The following COL5A2 variants were observed in gnomAD, a reference collection of about 807,000 sequenced individuals.
The protein encoded by COL5A2 is collagen type V alpha 2 chain, also known as collagen alpha-2(V) chain.
In COL5A2, 23 loss-of-function variants were observed where a neutral mutation model predicts 208.2. The observed-to-expected ratio is 0.11, with a 90% CI of 0.08 to 0.16. The LOEUF (loss-of-function observed/expected upper bound fraction) is 0.16. COL5A2 is among the 10% of genes least tolerant of loss of function. COL5A2 has a pLI of 1.00. For synonymous variants in COL5A2, 625 were observed against 628.5 expected (o/e 0.99, Z 0.08); for missense variants, 1,590 against 1,956.4 (o/e 0.81, Z 3.53).
At chr2:189,433,225 A>G in the COL5A2 span, among the ~76,000 whole-genome samples, 1 of 152,220 alleles carries the variant, frequency 6.6e-6, no homozygotes, top group Non-Finnish European at 1.5e-5. Flanking sequence ...CACAAGAGAA[A>G]GCAGGAAAGA....
the COL5A2 span, among the ~76,000 whole-genome samples, chr2:189,296,873 G>A: frequency 6.6e-5 from 10 of 152,272 alleles, no homozygotes; most frequent in South Asian, 6.2e-4. Context: ...AATAGTTGAC[G>A]AGAGTAGGGA....
intron 7 of COL5A2, among the ~76,000 whole-genome samples, chr2:189,090,968 A>G (rs55633056): frequency 6.6e-6 from 1 of 152,222 alleles, no homozygotes; most frequent in South Asian, 2.1e-4. Context: ...GCCCATGGAT[A>G]TAAATAAATT....
At chr2:189,348,456 T>C in the COL5A2 span, among the ~76,000 whole-genome samples, 2 of 152,130 alleles carry the variant, frequency 1.3e-5, no homozygotes, top group Non-Finnish European at 2.9e-5. Flanking sequence ...GAGTTCTGGC[T>C]AGTACACGTT....
intron 1 of COL5A2, among the ~76,000 whole-genome samples, chr2:189,189,091 A>G (rs1449787128): frequency 6.6e-6 from 1 of 152,228 alleles, no homozygotes; most frequent in Admixed American, 6.5e-5. Flanking sequence ...TAAATCTGCC[A>G]TTTTAAGTGC....
intron 45 of COL5A2, among the ~76,000 whole-genome samples, chr2:189,046,565 C>T (rs530600107): frequency 1.1e-4 from 17 of 152,136 alleles, no homozygotes; most frequent in African/African-American, 3.9e-4. Context: ...TTATTTTATC[C>T]AGATGACACA....
chr2:189,049,319 GAA>G, intron 44 of COL5A2, 26 bp downstream of exon 44: 3 of 1,466,264 alleles, frequency 2.0e-6, no homozygotes, highest in Non-Finnish European at 2.9e-6. Flanking sequence ...GATAACAAGA[GAA>G]GAGTTATTTT....
intron 17 of COL5A2, among the ~76,000 whole-genome samples, chr2:189,072,968 T>C (rs1195370232): frequency 6.6e-6 from 1 of 152,158 alleles, no homozygotes; most frequent in East Asian, 1.9e-4. Flanking sequence ...GATTGTACTT[T>C]AGTCTCATCA....
chr2:189,087,569 C>T (rs1686689855), intron 8 of COL5A2, among the ~76,000 whole-genome samples: 1 of 151,624 alleles, frequency 6.6e-6, no homozygotes, highest in African/African-American at 2.4e-5. Flanking sequence ...GTTCACGCCT[C>T]AGCCTCCCAA....
the COL5A2 span, among the ~76,000 whole-genome samples, chr2:189,332,406 C>T: frequency 2.0e-5 from 3 of 152,164 alleles, no homozygotes; most frequent in South Asian, 2.1e-4. Flanking sequence ...ATCAAGTCCC[C>T]GTATATTTCA....
the COL5A2 span, among the ~76,000 whole-genome samples, chr2:189,389,866 A>C: frequency 6.6e-6 from 1 of 152,176 alleles, no homozygotes; most frequent in African/African-American, 2.4e-5. Context: ...GTCTGTAGTA[A>C]ATCTAAACAT....
chr2:189,409,377 T>A, the COL5A2 span, among the ~76,000 whole-genome samples: 1 of 151,972 alleles, frequency 6.6e-6, no homozygotes, highest in Non-Finnish European at 1.5e-5. Context: ...TCACCCAGCT[T>A]AAATCCACTC....
intron 2 of COL5A2, among the ~76,000 whole-genome samples, chr2:189,109,445 T>C (rs953552101): frequency 1.3e-5 from 2 of 152,102 alleles, no homozygotes; most frequent in African/African-American, 4.8e-5. Context: ...TTTGCTGTTA[T>C]TTGCAATGAA....
intron 1 of COL5A2, among the ~76,000 whole-genome samples, chr2:189,194,313 G>C (rs1576582278): frequency 6.6e-6 from 1 of 152,100 alleles, no homozygotes; most frequent in African/African-American, 2.4e-5. Context: ...CTCACTCGTA[G>C]AAAAGGGCTA....
intron 24 of COL5A2, among the ~76,000 whole-genome samples, 174 bp downstream of exon 24, chr2:189,064,830 A>G (rs1163417194): frequency 1.3e-5 from 2 of 152,084 alleles, no homozygotes; most frequent in African/African-American, 2.4e-5. Flanking sequence ...CTTCCCCCCT[A>G]TGCCTCTTAA....
the COL5A2 span, among the ~76,000 whole-genome samples, chr2:189,429,634 T>C: frequency 6.6e-6 from 1 of 152,208 alleles, no homozygotes; most frequent in Admixed American, 6.5e-5. Flanking sequence ...ATGAGAGACA[T>C]ACCCAATTAC....
chr2:189,409,536 G>A, the COL5A2 span, among the ~76,000 whole-genome samples: 50 of 152,124 alleles, frequency 3.3e-4, 2 homozygotes, highest in East Asian at 3.8e-4. Context: ...TCTTAGAAAT[G>A]AGATTTAGAT....
At chr2:189,124,122 C>A (rs1242357881) in intron 1 of COL5A2, among the ~76,000 whole-genome samples, 1 of 151,860 alleles carries the variant, frequency 6.6e-6, no homozygotes, top group Non-Finnish European at 1.5e-5. Flanking sequence ...GAAAAGGAAG[C>A]GATTAAGAAG....
intron 1 of COL5A2, among the ~76,000 whole-genome samples, chr2:189,205,539 T>G (rs1689131219): frequency 6.6e-6 from 1 of 152,250 alleles, no homozygotes. Context: ...ATATTTGGCC[T>G]TGGGTTTGAT....
chr2:189,045,076 G>C, intron 47 of COL5A2, 103 bp downstream of exon 47: 1 of 711,976 alleles, frequency 1.4e-6, no homozygotes, highest in South Asian at 2.3e-5. Flanking sequence ...GTTCAAGCTT[G>C]AGGAATTTCA....
Sources: gnomAD v4.1 joint callset for allele counts (sites outside exome capture counted in the v4.1 genomes callset) on GRCh38, gnomAD v4.1.1 for gene constraint, MANE v1.5 for transcripts, NCBI Gene and HGNC (gene_info 2026-07-23, HGNC 2026-07-21) for gene names.